Variants in PUDP observed in about 807,000 individuals in gnomAD.
PUDP encodes the protein pseudouridine 5'-phosphatase.
In PUDP, 8 loss-of-function variants were observed where a neutral mutation model predicts 9.4. That is an observed-to-expected ratio of 0.85 (90% CI 0.50 to 1.53). The LOEUF (loss-of-function observed/expected upper bound fraction) is 1.53, where lower values mean the gene tolerates loss of function less well. PUDP is among the 40% of genes most tolerant of loss of function. PUDP has a pLI of 0.00. For missense variants in PUDP, 188 were observed against 189.7 expected (o/e 0.99, Z 0.05); for synonymous variants, 99 against 80.7 (o/e 1.23, Z -1.22).
chrX:6,929,193 A>G (rs1928152771), intron 3 of PUDP, among the ~76,000 whole-genome samples: 1 of 112,766 alleles, frequency 8.9e-6, no homozygotes, highest in Non-Finnish European at 1.9e-5. Context: ...ACTGTCAATG[A>G]AAAGAGTCAA....
intron 3 of PUDP, among the ~76,000 whole-genome samples, chrX:6,835,282 T>A (rs918892899): frequency 9.0e-6 from 1 of 110,689 alleles, no homozygotes; most frequent in Non-Finnish European, 1.9e-5. Flanking sequence ...TCAAATGAGC[T>A]TGAAAGTGGA....
chrX:7,107,884 T>C (rs1271064194), intron 1 of PUDP, among the ~76,000 whole-genome samples: 3 of 112,457 alleles, frequency 2.7e-5, no homozygotes, highest in Non-Finnish European at 5.6e-5. Flanking sequence ...TCCTCCCAGA[T>C]AGGCATGCAG....
intron 3 of PUDP, among the ~76,000 whole-genome samples, chrX:6,810,670 A>G (rs1683466952): frequency 8.9e-6 from 1 of 112,092 alleles, no homozygotes; most frequent in Admixed American, 9.5e-5. Flanking sequence ...GAAGTCAATG[A>G]TAAGATTAGC....
At chrX:6,811,630 T>C (rs1602629747) in intron 3 of PUDP, among the ~76,000 whole-genome samples, 1 of 110,309 alleles carries the variant, frequency 9.1e-6, no homozygotes, top group Admixed American at 9.6e-5. Context: ...GGCCTTTTTT[T>C]TTTTTAATTA....
At chrX:7,146,254 C>T (rs375620498) in intron 1 of PUDP, among the ~76,000 whole-genome samples, 1 of 111,905 alleles carries the variant, frequency 8.9e-6, no homozygotes, top group East Asian at 2.8e-4. Context: ...ATTTAAGTCA[C>T]ATTCATCACT....
chrX:7,067,334 C>T (rs775884178), intron 3 of PUDP, among the ~76,000 whole-genome samples: 1 of 111,770 alleles, frequency 8.9e-6, no homozygotes, highest in Admixed American at 9.5e-5. Context: ...GAGGTCTCTG[C>T]AGGGCTGTGA....
rs746165576 is a variant in PUDP at position 7,077,270 on chromosome X, T to C, written c.460A>G (p.Ile154Val). ...AACCTCTTGGCACAAGCTAGGAAGA[T>C]GTCCGGGTCTGGCTTGCCATGCTGC... is the stretch of plus-strand genomic sequence containing the variant. ...EVQHGKPDPD[I>V]FLACAKRFSP... is the part of the protein sequence containing the mutation. Residue 154 changes from isoleucine to valine, a missense_variant, in exon 3 of 4, where the codon ATC becomes GTC. By Grantham distance (29) the Ile-to-Val change is conservative (BLOSUM62 3). Transcript: ENST00000381077. 92 of 1,203,100 alleles carry C rather than the reference T, an allele frequency of 7.6e-5. No individual in the cohort carries two copies. The highest frequency in any genetic ancestry group is 1.0e-4 in the Non-Finnish European group (90 of 891,876).
At chrX:6,934,334 T>A (rs1354849409) in intron 3 of PUDP, among the ~76,000 whole-genome samples, 2 of 104,359 alleles carry the variant, frequency 1.9e-5, no homozygotes, top group African/African-American at 7.1e-5. Flanking sequence ...TATTCAACAT[T>A]CTTAAAGAAA....
chrX:7,003,229 C>G (rs148776785), intron 1 of PUDP, among the ~76,000 whole-genome samples: 7 of 111,343 alleles, frequency 6.3e-5, no homozygotes, highest in African/African-American at 1.6e-4. Context: ...CATTCTGACT[C>G]TATATTGTTT....
At chrX:7,034,506 C>A (rs1324103085) in intron 1 of PUDP, among the ~76,000 whole-genome samples, 2 of 111,823 alleles carry the variant, frequency 1.8e-5, no homozygotes, top group Admixed American at 1.9e-4. Flanking sequence ...AGACATACAT[C>A]TCTTAGAGAT....
At chrX:6,720,256 G>GTATATATA (rs1384554975) in intron 1 of PUDP, among the ~76,000 whole-genome samples, 17 of 37,138 alleles carry the variant, frequency 4.6e-4, no homozygotes, top group African/African-American at 1.6e-3. Flanking sequence ...GTGTGTGTGT[G>GTATATATA]TGTATATATA....
intron 3 of PUDP, among the ~76,000 whole-genome samples, chrX:6,875,775 T>C (rs1243881202): frequency 1.8e-5 from 2 of 112,079 alleles, no homozygotes; most frequent in African/African-American, 3.2e-5. Flanking sequence ...GGAAACGGCA[T>C]TGTTGGCCTT....
chrX:6,906,109 G>A (rs1226526939), intron 3 of PUDP, among the ~76,000 whole-genome samples: 1 of 112,015 alleles, frequency 8.9e-6, no homozygotes, highest in Non-Finnish European at 1.9e-5. Flanking sequence ...AGCTCAATGT[G>A]AGATGTTCCC....
chrX:7,059,918 T>C (rs1930352226), intron 3 of PUDP, among the ~76,000 whole-genome samples: 1 of 112,096 alleles, frequency 8.9e-6, no homozygotes, highest in Non-Finnish European at 1.9e-5. Flanking sequence ...CCATTTATAA[T>C]GGGAACTGAT....
intron 1 of PUDP, among the ~76,000 whole-genome samples, chrX:7,128,946 C>T (rs997771998): frequency 1.1e-3 from 122 of 111,464 alleles, no homozygotes; most frequent in African/African-American, 3.8e-3. Context: ...AGCCCAAACC[C>T]CCACGATGTC....
chrX:6,750,882 C>G (rs915820225), intron 3 of PUDP, among the ~76,000 whole-genome samples: 26 of 111,364 alleles, frequency 2.3e-4, no homozygotes, highest in East Asian at 1.1e-3. Flanking sequence ...GCTCACACCT[C>G]CAATCCCAGC....
chrX:6,932,798 C>T (rs188829274), intron 3 of PUDP, among the ~76,000 whole-genome samples: 3,513 of 111,711 alleles, frequency 0.031, 139 homozygotes, highest in African/African-American at 0.11. Flanking sequence ...GCTTAAAAAA[C>T]GGCGCACCAC....
chrX:6,775,512 C>T (rs886832133), intron 3 of PUDP, among the ~76,000 whole-genome samples: 53 of 109,966 alleles, frequency 4.8e-4, no homozygotes, highest in Non-Finnish European at 5.9e-4. Context: ...CATACACACA[C>T]ACACACACAC....
chrX:6,976,420 C>T (rs1035915390), intron 3 of PUDP, among the ~76,000 whole-genome samples: 1 of 111,543 alleles, frequency 9.0e-6, no homozygotes, highest in East Asian at 2.8e-4. Context: ...TTCCTCATGG[C>T]ACAGTCCCTC....
Sources: allele counts gnomAD v4.1 joint callset (sites outside exome capture counted in the v4.1 genomes callset), GRCh38; gene constraint gnomAD v4.1.1; transcripts MANE v1.5; gene names NCBI Gene and HGNC (gene_info 2026-07-23, HGNC 2026-07-21).